The following CCDC138 variants were observed in gnomAD, a reference collection of about 807,000 sequenced individuals.
CCDC138 encodes the protein coiled-coil domain-containing protein 138.
Under a neutral mutation model 82.3 loss-of-function variants are expected in CCDC138, and 66 were observed. That is an observed-to-expected ratio of 0.80 (90% CI 0.66 to 0.98). The LOEUF is 0.98. Ranked by LOEUF, CCDC138 falls within the 50% of genes least tolerant of loss-of-function variation. CCDC138 has a pLI of 0.00. For missense variants in CCDC138, 816 were observed against 758.9 expected, an observed-to-expected ratio of 1.08 and a Z score of -0.88; for synonymous variants, 297 against 265.4, an observed-to-expected ratio of 1.12 and a Z score of -1.16.
At chr2:108,845,479 A>G (rs541579314) in intron 11 of CCDC138, among the ~76,000 whole-genome samples, 1 of 152,184 alleles carries the variant, frequency 6.6e-6, no homozygotes, top group African/African-American at 2.4e-5. Flanking sequence ...AGATTGGAGA[A>G]TTGGGTCATA....
chr2:108,869,777 G>A (rs990636305), intron 13 of CCDC138, among the ~76,000 whole-genome samples: 3 of 152,254 alleles, frequency 2.0e-5, no homozygotes, highest in Admixed American at 6.5e-5. Flanking sequence ...TCCCTACACC[G>A]TTCCCAAGGC....
intron 3 of CCDC138, 95 bp from the exon 4 acceptor site, chr2:108,791,580 C>G: frequency 7.1e-7 from 1 of 1,400,734 alleles, no homozygotes; most frequent in South Asian, 1.2e-5. Context: ...TACATTTTTT[C>G]TCAGTTATGC....
intron 10 of CCDC138, among the ~76,000 whole-genome samples, chr2:108,827,962 G>A (rs1439341268): frequency 1.3e-5 from 2 of 151,984 alleles, no homozygotes; most frequent in African/African-American, 4.8e-5. Context: ...CATTGTGGTA[G>A]TAGTATAGGA....
chr2:108,800,452 A>T (rs1169938037), intron 6 of CCDC138, among the ~76,000 whole-genome samples: 3 of 151,692 alleles, frequency 2.0e-5, no homozygotes, highest in Non-Finnish European at 2.9e-5. Context: ...TTTAGTAGGG[A>T]CGGGGTTTCA....
chr2:108,786,897 G>C lies in CCDC138; in HGVS notation c.75G>C (p.Gly25=), dbSNP rs1678877538. The change falls in exon 1 of 15, where the codon GGG becomes GGC. Residue 25 remains glycine (G), a synonymous_variant. Coordinates refer to ENST00000295124, the MANE Select transcript of CCDC138 (RefSeq NM_144978.3). The stretch of plus-strand genomic sequence containing the variant: ...GTCTCAAAAGCCGCTACGGACTCGG[G>C]GGCAGCTGCCCCGACGAGGTGAAGC... The part of the protein sequence containing the change: ...VESLKSRYGL[G]GSCPDEYDFS... The C allele has an allele frequency of 6.4e-7, 1 of 1,554,730 alleles. No homozygotes were observed. Among genetic ancestry groups the C allele is most frequent in the Non-Finnish European group, 8.7e-7 (1 of 1,153,478 alleles).
At chr2:108,794,403 A>T (rs138534800) in intron 4 of CCDC138, 137 bp from the exon 5 acceptor site, 1 of 772,432 alleles carries the variant, frequency 1.3e-6, no homozygotes, top group Admixed American at 3.3e-5. Flanking sequence ...CATATTTGCT[A>T]TATTTTTCTT....
At chr2:108,837,074 G>A (rs1010739695) in intron 10 of CCDC138, among the ~76,000 whole-genome samples, 2 of 152,104 alleles carry the variant, frequency 1.3e-5, no homozygotes, top group Non-Finnish European at 2.9e-5. Context: ...TCACTGGCTG[G>A]TACTATAGTG....
chr2:108,798,624 CTTCTT>C lies in CCDC138; in HGVS notation c.735+44_735+48del, dbSNP rs750974012. 5 of 1,462,788 alleles carry C rather than the reference CTTCTT, an allele frequency of 3.4e-6. No homozygotes were observed. The Admixed American group carries it at 6.4e-5, about 19-fold the overall frequency. The allele number at this position is 1,462,788 out of a possible 1,614,324, so 90.6% of individuals were successfully genotyped here. On this transcript the variant is annotated intron_variant, in intron 6 of 14. Transcript: ENST00000295124. ...CCTTTGATTTTAGAGTGGTATATTT[CTTCTT>C]TTCTTCTTAGATTCACTAGTTACTA...
chr2:108,839,130 A>G (rs745329847), intron 10 of CCDC138, 55 bp from the exon 11 acceptor site: 4 of 1,504,248 alleles, frequency 2.7e-6, no homozygotes, highest in Non-Finnish European at 3.6e-6. Context: ...TAATTGATTT[A>G]AGACATTTAA....
At position 108,794,680 on chromosome 2, in the gene CCDC138, C is replaced by G; in HGVS notation, c.535C>G (p.Gln179Glu). 1 of 1,613,794 alleles carries G rather than the reference C, an allele frequency of 6.2e-7. No individual in the cohort carries two copies. ...GAGTTTACTTCCACATCAGATCAGT[C>G]AGATATATGACGAATTATTTCAGAT... Reference protein sequence around the residue: ...KRSLLPHQISQIYDELFQIHL... With the variant: ...KRSLLPHQISEIYDELFQIHL... Residue 179 changes from glutamine (Q) to glutamate (E), a missense_variant, in exon 5 of 15, where the codon CAG (glutamine) becomes GAG (glutamate). Transcript: ENST00000295124.
At chr2:108,880,025 G>A (rs1696245559), downstream of CCDC138, among the ~76,000 whole-genome samples, 1 of 152,118 alleles carries the variant, frequency 6.6e-6, no homozygotes, top group Admixed American at 6.6e-5. Context: ...TGGTGGCAAA[G>A]TAAAACAGTT....
At chr2:108,833,638 GAAAGAT>G (rs1432364896) in intron 10 of CCDC138, among the ~76,000 whole-genome samples, 1 of 151,684 alleles carries the variant, frequency 6.6e-6, no homozygotes, top group Non-Finnish European at 1.5e-5. Context: ...AAAGCAAAGT[GAAAGAT>G]ACCAGTACTT....
intron 13 of CCDC138, among the ~76,000 whole-genome samples, chr2:108,868,222 AC>A (rs201557737): frequency 0.013 from 1,991 of 152,266 alleles, 61 homozygotes; most frequent in South Asian, 0.082. Context: ...TTCTTAAGTT[AC>A]TCGCGATAGA....
chr2:108,787,024 C>T (rs879762784), intron 1 of CCDC138, 109 bp downstream of exon 1: 3 of 592,092 alleles, frequency 5.1e-6, no homozygotes, highest in South Asian at 1.5e-4. Context: ...GGTCCCGGCC[C>T]CGGCACTCCC....
intron 10 of CCDC138, among the ~76,000 whole-genome samples, chr2:108,831,721 C>CTTCCTTCCTTCCTTCCTTCT: frequency 6.6e-6 from 1 of 151,814 alleles, no homozygotes; most frequent in South Asian, 2.1e-4. Context: ...TCCTTCCTTC[C>CTTCCTTCCTTCCTTCCTTCT]TTCCTTCCTT....
chr2:108,788,209 A>G (rs1679248032), intron 2 of CCDC138, 120 bp downstream of exon 2: 2 of 946,070 alleles, frequency 2.1e-6, no homozygotes. Context: ...ACCTGAGGTC[A>G]GGAGTTCGAG....
intron 10 of CCDC138, among the ~76,000 whole-genome samples, chr2:108,822,973 G>A (rs1158381248): frequency 6.6e-6 from 1 of 152,112 alleles, no homozygotes; most frequent in African/African-American, 2.4e-5. Context: ...GATCTTGCAA[G>A]CAATGCCACA....
chr2:108,866,683 G>A (rs547824237), intron 13 of CCDC138, among the ~76,000 whole-genome samples: 2 of 152,264 alleles, frequency 1.3e-5, no homozygotes, highest in East Asian at 3.9e-4. Context: ...AGGAGTTTGA[G>A]ACCAGCCTAG....
intron 10 of CCDC138, among the ~76,000 whole-genome samples, chr2:108,831,178 CA>C (rs145782826): frequency 0.064 from 9,531 of 149,382 alleles, 652 homozygotes; most frequent in African/African-American, 0.17. Flanking sequence ...GACTCTGTCT[CA>C]AAAAAAAAGA....
Sources: allele counts gnomAD v4.1 joint callset (sites outside exome capture counted in the v4.1 genomes callset), GRCh38; gene constraint gnomAD v4.1.1; transcripts MANE v1.5; gene names NCBI Gene and HGNC (gene_info 2026-07-23, HGNC 2026-07-21).